The following GALNTL6 variants were observed in gnomAD, a reference collection of about 807,000 sequenced individuals.
GALNTL6 encodes the protein polypeptide N-acetylgalactosaminyltransferase like 6, also known as polypeptide N-acetylgalactosaminyltransferase-like 6.
Under a neutral mutation model 73.7 loss-of-function variants are expected in GALNTL6, and 46 were observed. The observed-to-expected ratio is 0.62, with a 90% CI of 0.49 to 0.80. The LOEUF (loss-of-function observed/expected upper bound fraction) is 0.80. Ranked by LOEUF, GALNTL6 falls within the 30% of genes least tolerant of loss-of-function variation. The pLI, the probability that GALNTL6 is intolerant of heterozygous loss-of-function variation, is 0.00. For missense variants in GALNTL6, 604 were observed against 755.0 expected (o/e 0.80, Z 2.34); for synonymous variants, 259 against 263.7 (o/e 0.98, Z 0.17).
At chr4:172,263,494 C>T (rs918113425) in intron 3 of GALNTL6, among the ~76,000 whole-genome samples, 1 of 150,860 alleles carries the variant, frequency 6.6e-6, no homozygotes, top group Admixed American at 6.6e-5. Flanking sequence ...TTATATCTAT[C>T]GCTTTTGAGA....
chr4:172,127,949 A>G (rs114671609), intron 2 of GALNTL6, among the ~76,000 whole-genome samples: 10,197 of 152,020 alleles, frequency 0.067, 346 homozygotes, highest in South Asian at 0.13. Context: ...CTTAAAAAAT[A>G]CAAAAACTAG....
intron 5 of GALNTL6, among the ~76,000 whole-genome samples, chr4:172,546,088 C>G (rs982033712): frequency 6.6e-6 from 1 of 152,010 alleles, no homozygotes; most frequent in African/African-American, 2.4e-5. Flanking sequence ...GTACATAATG[C>G]CACAACACTA....
chr4:173,021,413 G>C, intron 11 of GALNTL6, 63 bp from the exon 12 acceptor site: 1 of 1,539,612 alleles, frequency 6.5e-7, no homozygotes, highest in South Asian at 1.2e-5. Context: ...ACCTTCCCCC[G>C]CCCTTGCATC....
chr4:172,932,885 G>C (rs1045146412), intron 9 of GALNTL6, among the ~76,000 whole-genome samples: 2 of 152,058 alleles, frequency 1.3e-5, no homozygotes, highest in Non-Finnish European at 2.9e-5. Flanking sequence ...TCAGATTATG[G>C]ATGCCCAACC....
chr4:172,118,344 T>A (rs1733044259), intron 2 of GALNTL6, among the ~76,000 whole-genome samples: 1 of 152,096 alleles, frequency 6.6e-6, no homozygotes, highest in African/African-American at 2.4e-5. Flanking sequence ...TATTAACAAA[T>A]AAAGCATTAG....
intron 5 of GALNTL6, among the ~76,000 whole-genome samples, chr4:172,569,086 T>C (rs893436454): frequency 2.6e-5 from 4 of 152,286 alleles, no homozygotes; most frequent in African/African-American, 4.8e-5. Flanking sequence ...ATGCTATTCA[T>C]TGGGCCCTGG....
rs942838086 is a variant in GALNTL6, at chr4:171,927,174, A to C, written c.138+112456A>C. Reference sequence around the variant, plus strand: ...TCTAGTATCTTCATTCTGTTCCATTAAGAAAATTCCATGTTGTTTTAAGAA... The same window carrying C: ...TCTAGTATCTTCATTCTGTTCCATTCAGAAAATTCCATGTTGTTTTAAGAA... On this transcript the variant is annotated intron_variant, in intron 2 of 12. Transcript: ENST00000506823. Among the ~76,000 whole-genome samples the C allele has an allele frequency of 5.9e-5, 9 of 152,162 alleles. No individual in the cohort carries two copies. In the East Asian group the frequency reaches 1.7e-3, roughly 29 times the overall value.
intron 9 of GALNTL6, among the ~76,000 whole-genome samples, chr4:172,939,623 C>A (rs1748815438): frequency 6.6e-6 from 1 of 152,174 alleles, no homozygotes; most frequent in African/African-American, 2.4e-5. Context: ...AAGCAAATAG[C>A]ATTGGGCCTT....
chr4:171,955,557 A>G (rs1042937482), intron 2 of GALNTL6, among the ~76,000 whole-genome samples: 1 of 152,098 alleles, frequency 6.6e-6, no homozygotes. Flanking sequence ...GTATACTTTA[A>G]ATCATCTCTA....
rs1365715166 is a variant in GALNTL6, at chr4:173,025,240, C to T, written c.1638+3615C>T. ...GGCACCCAGGAAGAGGAATCCTGTT[C>T]CTGGTTTTCTTTTACCACCAGGGGG... On this transcript the variant is annotated intron_variant, in intron 12 of 12. Transcript: ENST00000506823. 2.0e-5 allele frequency among the ~76,000 whole-genome samples: 3 copies of T among 152,160 alleles called. No individual in the cohort carries two copies. In the South Asian group the frequency reaches 6.2e-4, roughly 32 times the overall value.
chr4:172,152,998 T>A (rs1042929173), intron 2 of GALNTL6, among the ~76,000 whole-genome samples: 3 of 152,164 alleles, frequency 2.0e-5, no homozygotes, highest in Non-Finnish European at 4.4e-5. Context: ...TTATAATGAG[T>A]GAAAGGATGT....
At chr4:172,993,216 C>T (rs1244762627) in intron 10 of GALNTL6, among the ~76,000 whole-genome samples, 1 of 152,102 alleles carries the variant, frequency 6.6e-6, no homozygotes, top group Non-Finnish European at 1.5e-5. Context: ...GACTGGTGTC[C>T]TGATAAGAAG....
At chr4:172,161,679 T>TA (rs1734472223) in intron 2 of GALNTL6, among the ~76,000 whole-genome samples, 1 of 151,986 alleles carries the variant, frequency 6.6e-6, no homozygotes, top group African/African-American at 2.4e-5. Context: ...GAGCACATGT[T>TA]AACTGGTAAA....
chr4:172,980,922 T>C (rs1198591694), intron 10 of GALNTL6, among the ~76,000 whole-genome samples: 1 of 152,224 alleles, frequency 6.6e-6, no homozygotes, highest in Non-Finnish European at 1.5e-5. Context: ...CTGTTTCAGG[T>C]ACCTCACATA....
chr4:172,955,650 A>G (rs182586757), intron 10 of GALNTL6, among the ~76,000 whole-genome samples: 21 of 152,282 alleles, frequency 1.4e-4, no homozygotes, highest in African/African-American at 4.6e-4. Context: ...TTAACATTTT[A>G]TATTTACTTT....
chr4:172,282,570 C>T (rs879319709), intron 3 of GALNTL6, among the ~76,000 whole-genome samples: 1 of 148,116 alleles, frequency 6.8e-6, no homozygotes, highest in Non-Finnish European at 1.5e-5. Context: ...CCATGCTAAG[C>T]AAAACCTTTT....
intron 2 of GALNTL6, among the ~76,000 whole-genome samples, chr4:172,024,306 C>T (rs904037418): frequency 4.6e-5 from 7 of 151,682 alleles, no homozygotes; most frequent in South Asian, 2.1e-4. Flanking sequence ...ATTCATCTTT[C>T]TTATGCTTTG....
chr4:172,908,609 AGTGTGTGTGTGTGT>A (rs200044918), intron 8 of GALNTL6, among the ~76,000 whole-genome samples: 55 of 145,980 alleles, frequency 3.8e-4, no homozygotes, highest in African/African-American at 1.3e-3. Context: ...CATGAGCGTG[AGTGTGTGTGTGTGT>A]GTGTGTGTGT....
intron 3 of GALNTL6, among the ~76,000 whole-genome samples, chr4:172,293,559 A>C (rs1739547080): frequency 6.6e-6 from 1 of 152,064 alleles, no homozygotes; most frequent in South Asian, 2.1e-4. Context: ...AATGAGAATG[A>C]GCTAGTTAAA....
Sources: allele counts gnomAD v4.1 joint callset (sites outside exome capture counted in the v4.1 genomes callset), GRCh38; gene constraint gnomAD v4.1.1; transcripts MANE v1.5; gene names NCBI Gene and HGNC (gene_info 2026-07-23, HGNC 2026-07-21).